Variants in CELSR1 observed in about 807,000 individuals in gnomAD.
CELSR1 encodes cadherin EGF LAG seven-pass G-type receptor 1, also known as adhesion G protein-coupled receptor C1.
In CELSR1, 110 loss-of-function variants were observed where a neutral mutation model predicts 249.1. That is an observed-to-expected ratio of 0.44 (90% CI 0.38 to 0.52). The LOEUF (loss-of-function observed/expected upper bound fraction) is 0.52. CELSR1 is among the 20% of genes least tolerant of loss of function. CELSR1 has a pLI of 0.00. For synonymous variants in CELSR1, 2,113 were observed against 1,900.0 expected (o/e 1.11, Z -2.92); for missense variants, 4,109 against 4,296.4 (o/e 0.96, Z 1.22).
At chr22:46,422,813 A>G (rs912030003) in intron 5 of CELSR1, among the ~76,000 whole-genome samples, 4 of 151,596 alleles carry the variant, frequency 2.6e-5, no homozygotes, top group African/African-American at 9.7e-5. Flanking sequence ...GATAACTGCT[A>G]TATTGTTTTT....
chr22:46,509,417 C>T (rs1479178373), intron 1 of CELSR1, among the ~76,000 whole-genome samples: 1 of 152,250 alleles, frequency 6.6e-6, no homozygotes, highest in Non-Finnish European at 1.5e-5. Flanking sequence ...CCACAGGCTA[C>T]TGTTCTGTCG....
rs2078783513 is a variant in CELSR1, at chr22:46,366,466, G to C, written c.8220C>G (p.Cys2740Trp). ...RATLLTRSLN[C>W]NTTFGDGPDM... is the part of the protein sequence containing the mutation. ...CAGGCCCGTCACCGAAGGTGGTGTT[G>C]CAGTTGAGGGAGCGCTGAAGGGAGG... is the stretch of plus-strand genomic sequence containing the variant. Residue 2740 changes from cysteine (C) to tryptophan (W), a missense_variant, in exon 30 of 35, where the codon TGC (cysteine) becomes TGG (tryptophan). This residue lies in a region of CELSR1 where 1,805 missense variants were observed against 1,831.6 expected (regional missense o/e 0.99). Coordinates refer to ENST00000674500, the MANE Select transcript of CELSR1 (RefSeq NM_001378328.1). 1 of 1,550,448 alleles carries C rather than the reference G, an allele frequency of 6.4e-7. No homozygotes were observed. The highest frequency in any genetic ancestry group is 8.7e-7 in the Non-Finnish European group (1 of 1,146,750).
At chr22:46,404,317 T>C (rs965406949) in intron 9 of CELSR1, among the ~76,000 whole-genome samples, 3 of 151,170 alleles carry the variant, frequency 2.0e-5, no homozygotes, top group African/African-American at 7.3e-5. Flanking sequence ...GAGGCTGAGG[T>C]AGGAGAATCC....
At chr22:46,403,629 TA>T (rs2079231668) in intron 9 of CELSR1, among the ~76,000 whole-genome samples, 1 of 151,910 alleles carries the variant, frequency 6.6e-6, no homozygotes, top group African/African-American at 2.4e-5. Context: ...ACTTGATGTA[TA>T]TAGAACAGTA....
Position 46,429,514 on chromosome 22 carries a change from T to A in CELSR1, c.4611+3879A>T, listed in dbSNP as rs1473088922. The stretch of plus-strand genomic sequence containing the variant: ...GTGCCTGCCTTTGAAAAGACCGTCC[T>A]GGAAAAACGTCCGACTCCAATGTAC... On this transcript the variant is annotated intron_variant, in intron 5 of 34. Transcript: ENST00000674500. The surrounding 1 kb of genome is among the most constrained non-coding windows in gnomAD (Gnocchi z 4.1). Among the ~76,000 whole-genome samples the A allele has an allele frequency of 6.6e-6, 1 of 152,238 alleles. No homozygotes were observed. Among genetic ancestry groups the A allele is most frequent in the Non-Finnish European group, 1.5e-5 (1 of 68,040 alleles).
chr22:46,415,847 G>A (rs952941134), intron 5 of CELSR1, among the ~76,000 whole-genome samples: 3 of 152,294 alleles, frequency 2.0e-5, no homozygotes, highest in Non-Finnish European at 2.9e-5. Flanking sequence ...TTACACAGGC[G>A]GCTTGAATAG....
rs2079216837 is a variant in CELSR1 at position 46,402,211 on chromosome 22, CTCTTTT to C, written c.5227-2315_5227-2310del. On this transcript the variant is annotated intron_variant, in intron 9 of 34. Transcript: ENST00000674500. This position sits in a 1 kb window ranked among gnomAD's most constrained non-coding sequence, Gnocchi z 5.0. ...ATCCCCATCATCCCCATTCTAGTTT[CTCTTTT>C]TCTTTTTTTTTTTTTTGAGACAGAG... Among the ~76,000 whole-genome samples the C allele has an allele frequency of 6.6e-6, 1 of 151,688 alleles. No individual in the cohort carries two copies. The highest frequency in any genetic ancestry group is 2.4e-5 in the African/African-American group (1 of 41,318).
rs774257402 is a variant in CELSR1, at chr22:46,390,408, A to C, written c.6329T>G (p.Val2110Gly). 1.2e-6 allele frequency: 2 copies of C among 1,613,580 alleles called. No homozygotes were observed. The highest frequency in any genetic ancestry group is 1.7e-6 in the Non-Finnish European group (2 of 1,179,798). Reference sequence around the variant, plus strand: ...CGCCCCTACCATGGCCCTGAGGTCCACGAAGGAGATGGTGGTACAGTTAAA... The same window carrying C: ...CGCCCCTACCATGGCCCTGAGGTCCCCGAAGGAGATGGTGGTACAGTTAAA... ...ELFNCTTISF[V>G]DLRAMNEKLS... The change falls in exon 17 of 35, where the codon GTG becomes GGG. Residue 2110 changes from valine to glycine, a missense_variant. Physicochemically the swap from Val to Gly is moderately radical, Grantham distance 109. This residue lies in a region of CELSR1 where 1,805 missense variants were observed against 1,831.6 expected (regional missense o/e 0.99). Transcript: ENST00000674500. The surrounding 1 kb of genome is among the most constrained non-coding windows in gnomAD (Gnocchi z 6.3).
rs975296881 is a variant in CELSR1, at chr22:46,412,825, C to A, written c.4612-1066G>T. Among the ~76,000 whole-genome samples the A allele has an allele frequency of 4.6e-5, 7 of 152,200 alleles. No homozygotes were observed. Among genetic ancestry groups the A allele is most frequent in the African/African-American group, 1.7e-4 (7 of 41,438 alleles). On this transcript the variant is annotated intron_variant, in intron 5 of 34. Coordinates refer to ENST00000674500, the MANE Select transcript of CELSR1 (RefSeq NM_001378328.1). This position sits in a 1 kb window ranked among gnomAD's most constrained non-coding sequence, Gnocchi z 4.5. ...TGGTGCCAGCTCCAACCGGGACAGG[C>A]AACAGAATGTCTTTCATCTGCACAA...
chr22:46,379,979 C>G (rs1202118606), intron 22 of CELSR1, among the ~76,000 whole-genome samples: 2 of 152,198 alleles, frequency 1.3e-5, no homozygotes, highest in African/African-American at 4.8e-5. Flanking sequence ...TGAAAACCAA[C>G]CAGCAGAGAA....
At chr22:46,532,709 C>T (rs535949052) in intron 1 of CELSR1, among the ~76,000 whole-genome samples, 2 of 152,326 alleles carry the variant, frequency 1.3e-5, no homozygotes, top group African/African-American at 4.8e-5. Context: ...TCCTTGGATG[C>T]ACGGTCAGGC....
intron 2 of CELSR1, among the ~76,000 whole-genome samples, chr22:46,460,209 A>ACCCC (rs1555922657): frequency 9.2e-4 from 113 of 122,476 alleles, no homozygotes; most frequent in African/African-American, 3.6e-3. Flanking sequence ...ACACACACAC[A>ACCCC]CACACACCCA....
chr22:46,533,658 C>G lies in CELSR1; in HGVS notation c.3513G>C (p.Pro1171=). The G allele has an allele frequency of 6.3e-7, 1 of 1,593,158 alleles. No individual in the cohort carries two copies. The highest frequency in any genetic ancestry group is 1.1e-5 in the South Asian group (1 of 89,056). Residue 1171 remains proline (P), a synonymous_variant, in exon 1 of 35, where the codon CCG becomes CCC. Transcript: ENST00000674500. ...QLSRDLDNNR[P]LEALMEVSVS... ...CAGACACCTCCATGAGCGCCTCCAG[C>G]GGCCGGTTGTTGTCCAGGTCGCGGC...
intron 13 of CELSR1, 56 bp from the exon 14 acceptor site, chr22:46,394,318 T>C (rs1234357212): frequency 1.3e-6 from 2 of 1,570,960 alleles, no homozygotes; most frequent in Non-Finnish European, 1.7e-6. Context: ...CTTTCTGGAA[T>C]GAGAAGAGGC....
rs372623499 is a variant in CELSR1, at chr22:46,412,905, C to T, written c.4612-1146G>A. Among the ~76,000 whole-genome samples, 13 of 152,212 alleles carry T rather than the reference C, an allele frequency of 8.5e-5. No homozygotes were observed. Among genetic ancestry groups the T allele is most frequent in the African/African-American group, 2.7e-4 (11 of 41,458 alleles). On this transcript the variant is annotated intron_variant, in intron 5 of 34. Transcript: ENST00000674500. The surrounding 1 kb of genome is among the most constrained non-coding windows in gnomAD (Gnocchi z 4.5). ...TGGCCGTGACGATGAGCCAGGAGATCGCCAGGCAAGTGCCACCATGCCCCA... is the reference window on the plus strand; with the variant it reads ...TGGCCGTGACGATGAGCCAGGAGATTGCCAGGCAAGTGCCACCATGCCCCA...
Position 46,448,383 on chromosome 22 carries a change from G to A in CELSR1, c.4184-8972C>T, listed in dbSNP as rs2079844814. Reference sequence around the variant, plus strand: ...TGGGGGGCTGCTCCAGGAGCTAGGAGAAGAGAGATGCAGGGTCTCAGGGCT... The same window carrying A: ...TGGGGGGCTGCTCCAGGAGCTAGGAAAAGAGAGATGCAGGGTCTCAGGGCT... On this transcript the variant is annotated intron_variant, in intron 2 of 34. Coordinates refer to ENST00000674500, the MANE Select transcript of CELSR1 (RefSeq NM_001378328.1). This position sits in a 1 kb window ranked among gnomAD's most constrained non-coding sequence, Gnocchi z 5.7. 6.6e-6 allele frequency among the ~76,000 whole-genome samples: 1 copy of A among 152,168 alleles called. No individual in the cohort carries two copies. Among genetic ancestry groups the A allele is most frequent in the Non-Finnish European group, 1.5e-5 (1 of 68,016 alleles).
intron 25 of CELSR1, chr22:46,370,217 A>G: frequency 2.2e-6 from 1 of 448,450 alleles, no homozygotes; most frequent in South Asian, 1.6e-5. Context: ...AGGCTCCAAA[A>G]CAGATGGAGG....
rs191924575 is a variant in CELSR1 at position 46,371,407 on chromosome 22, G to A, written c.7759+1476C>T. 1.4e-4 allele frequency among the ~76,000 whole-genome samples: 21 copies of A among 152,266 alleles called. No individual in the cohort carries two copies. The East Asian group carries it at 3.1e-3, about 22-fold the overall frequency. On this transcript the variant is annotated intron_variant, in intron 25 of 34. Coordinates refer to ENST00000674500, the MANE Select transcript of CELSR1 (RefSeq NM_001378328.1). ...ATCCCCAGAACCCAGGGATTACCCA[G>A]GAAAAGGGGTTCTTCTTTTTGTGAA...
intron 1 of CELSR1, among the ~76,000 whole-genome samples, chr22:46,475,958 C>T (rs547765829): frequency 6.6e-5 from 10 of 152,246 alleles, no homozygotes; most frequent in Middle Eastern, 3.4e-3. Context: ...CACTGTGCCC[C>T]AGGAAGGTGT....
Sources: allele counts gnomAD v4.1 joint callset (sites outside exome capture counted in the v4.1 genomes callset), GRCh38; gene constraint gnomAD v4.1.1; regional missense constraint gnomAD v4.1.1; non-coding constraint Gnocchi (gnomAD v3.1); transcripts MANE v1.5; gene names NCBI Gene and HGNC (gene_info 2026-07-23, HGNC 2026-07-21).